MREG: variants seen among roughly 807,000 people sequenced by gnomAD.
MREG encodes the protein melanoregulin, also known as dilute suppressor protein homolog.
In MREG, 31 loss-of-function variants were observed where a neutral mutation model predicts 28.5. The ratio of observed to expected loss-of-function variants is 1.09; its 90% CI spans 0.82 to 1.47. The LOEUF (loss-of-function observed/expected upper bound fraction) is 1.47. Among genes scored for constraint, MREG ranks in the 40% most tolerant of loss-of-function variants. The pLI is 0.00. For missense variants in MREG, 256 were observed against 257.4 expected, an observed-to-expected ratio of 0.99 and a Z score of 0.04; for synonymous variants, 106 against 95.2, an observed-to-expected ratio of 1.11 and a Z score of -0.66.
At chr2:215,939,983 TTTCTAA>T (rs1414376449), downstream of MREG, among the ~76,000 whole-genome samples, 2 of 152,240 alleles carry the variant, frequency 1.3e-5, no homozygotes, top group African/African-American at 4.8e-5. Context: ...TATTTCTGTA[TTTCTAA>T]TTCTATTCTC....
At chr2:216,003,143 C>G (rs11684792) in intron 1 of MREG, among the ~76,000 whole-genome samples, 14,384 of 151,818 alleles carry the variant, frequency 0.095, 1,220 homozygotes, top group African/African-American at 0.22. Flanking sequence ...GCTGGGGTGT[C>G]GGGGGGCGAT....
At chr2:215,979,564 T>C (rs1693362756) in intron 2 of MREG, among the ~76,000 whole-genome samples, 1 of 151,700 alleles carries the variant, frequency 6.6e-6, no homozygotes, top group Non-Finnish European at 1.5e-5. Flanking sequence ...CTGAACCTTG[T>C]AGCTTTCCTT....
At chr2:216,031,555 G>A (rs1411252128) in intron 1 of MREG, among the ~76,000 whole-genome samples, 1 of 146,314 alleles carries the variant, frequency 6.8e-6, no homozygotes, top group African/African-American at 2.5e-5. Context: ...AGGAAAGAGG[G>A]AGGGAGGGAA....
intron 2 of MREG, among the ~76,000 whole-genome samples, chr2:215,972,687 G>A (rs181932800): frequency 6.8e-4 from 103 of 151,780 alleles, no homozygotes; most frequent in Admixed American, 1.7e-3. Context: ...CCTTGATTGT[G>A]GTGATGATTT....
chr2:215,949,066 C>CTAA lies in MREG; in HGVS notation c.256-1954_256-1953insTTA, dbSNP rs1312722556. 5.3e-4 allele frequency among the ~76,000 whole-genome samples: 73 copies of CTAA among 138,326 alleles called. No homozygotes were observed. The East Asian group carries it at 6.7e-3, about 13-fold the overall frequency. 90.7% of individuals were successfully genotyped at this position (138,326 alleles called of 152,430 possible). On this transcript the variant is annotated intron_variant, in intron 2 of 4. Coordinates refer to ENST00000263268, the MANE Select transcript of MREG (RefSeq NM_018000.3). ...ACTACTACTACTACTACTACTACTA[C>CTAA]TACTACTACTACTACTACTACTAAT... is the stretch of plus-strand genomic sequence containing the variant.
chr2:216,017,413 G>A (rs1358402936), upstream of MREG, among the ~76,000 whole-genome samples: 7 of 152,134 alleles, frequency 4.6e-5, no homozygotes, highest in African/African-American at 2.4e-5. Flanking sequence ...GAATAAAAAC[G>A]TGACCAAACT....
In MREG at chr2:215,996,294, A is replaced by G; in HGVS notation, c.255+12T>C. On this transcript the variant is annotated intron_variant, in intron 2 of 4. Coordinates refer to ENST00000263268, the MANE Select transcript of MREG (RefSeq NM_018000.3). The stretch of plus-strand genomic sequence containing the variant: ...ATCATCCGCGCACAGCAAGACATCA[A>G]AAGGTGCTCACCTCTGAGTCTTTGG... 1 of 1,611,052 alleles carries G rather than the reference A, an allele frequency of 6.2e-7. No individual in the cohort carries two copies.
At chr2:215,951,742 G>A (rs2105970896) in intron 2 of MREG, among the ~76,000 whole-genome samples, 1 of 152,238 alleles carries the variant, frequency 6.6e-6, no homozygotes, top group East Asian at 1.9e-4. Flanking sequence ...TAAGAAGGTT[G>A]AGGCAACAAG....
At chr2:215,994,746 T>C (rs999790183) in intron 2 of MREG, among the ~76,000 whole-genome samples, 1 of 152,100 alleles carries the variant, frequency 6.6e-6, no homozygotes, top group Non-Finnish European at 1.5e-5. Flanking sequence ...GGCTTTGTCG[T>C]CCATGTTCCT....
At chr2:216,003,143 CG>C (rs1331860871) in intron 1 of MREG, among the ~76,000 whole-genome samples, 1 of 151,732 alleles carries the variant, frequency 6.6e-6, no homozygotes, top group African/African-American at 2.4e-5. Flanking sequence ...GCTGGGGTGT[CG>C]GGGGGCGATT....
intron 4 of MREG, among the ~76,000 whole-genome samples, chr2:215,945,205 C>T (rs559698153): frequency 3.3e-5 from 5 of 152,332 alleles, no homozygotes; most frequent in East Asian, 1.9e-4. Flanking sequence ...CACTCCTTAG[C>T]GTCCTTTCTC....
Position 215,943,491 on chromosome 2 carries a change from GGA to G in MREG, c.*1370_*1371del, listed in dbSNP as rs1185346587. The G allele has an allele frequency of 2.2e-6, 1 of 456,578 alleles. No individual in the cohort carries two copies. Among genetic ancestry groups the G allele is most frequent in the Admixed American group, 2.4e-5 (1 of 42,546 alleles). 28.3% of individuals were successfully genotyped at this position (456,578 alleles called of 1,614,324 possible). Reference sequence around the variant, plus strand: ...CAACGAATCAGAAACAGATGAAAGAGGAGAGAAGAAAACAGAGGTCAAACACT... The same window carrying G: ...CAACGAATCAGAAACAGATGAAAGAGGAGAAGAAAACAGAGGTCAAACACT... On this transcript the variant is annotated 3_prime_UTR_variant, in exon 5 of 5. Coordinates refer to ENST00000263268, the MANE Select transcript of MREG (RefSeq NM_018000.3).
intron 1 of MREG, among the ~76,000 whole-genome samples, chr2:216,010,374 T>TTTTTC (rs71047957): frequency 6.8e-6 from 1 of 147,728 alleles, no homozygotes; most frequent in African/African-American, 2.5e-5. Context: ...TTTTTTTTTT[T>TTTTTC]TGAGACGGAG....
At chr2:215,993,380 GA>G (rs1693772323) in intron 2 of MREG, among the ~76,000 whole-genome samples, 1 of 152,168 alleles carries the variant, frequency 6.6e-6, no homozygotes. Flanking sequence ...GCAGAAAACT[GA>G]AACTGGACCC....
intron 1 of MREG, among the ~76,000 whole-genome samples, chr2:216,004,694 TCA>T (rs1277348984): frequency 2.6e-5 from 4 of 152,164 alleles, no homozygotes; most frequent in Non-Finnish European, 4.4e-5. Flanking sequence ...GTCTTCAAGC[TCA>T]CAGACAAGCT....
intron 2 of MREG, among the ~76,000 whole-genome samples, chr2:215,969,700 T>C (rs1693036823): frequency 6.6e-6 from 1 of 152,070 alleles, no homozygotes; most frequent in Admixed American, 6.5e-5. Context: ...TATATAAGCA[T>C]CCTTGAAAAG....
chr2:215,945,825 C>G, intron 3 of MREG, 91 bp from the exon 4 acceptor site: 3 of 1,103,138 alleles, frequency 2.7e-6, no homozygotes, highest in Non-Finnish European at 3.9e-6. Flanking sequence ...ACGAACAGAC[C>G]CATGTGGATT....
Position 215,943,266 on chromosome 2 carries a change from A to G in MREG, c.*1597T>C, listed in dbSNP as rs1195404862. The G allele has an allele frequency of 8.4e-6, 3 of 357,150 alleles. No individual in the cohort carries two copies. In the Admixed American group the frequency reaches 9.4e-5, roughly 11 times the overall value. 22.1% of individuals were successfully genotyped at this position (357,150 alleles called of 1,614,324 possible). A position where few individuals can be genotyped will look rare whatever the true frequency, so the allele number is the denominator to read the frequency against. On this transcript the variant is annotated 3_prime_UTR_variant, in exon 5 of 5. Coordinates refer to ENST00000263268, the MANE Select transcript of MREG (RefSeq NM_018000.3). ...TAACATGAACCATGATCTCTTGACAAGTTCCTTGCTTAAGTGGCAAGTAAC... is the reference window on the plus strand; with the variant it reads ...TAACATGAACCATGATCTCTTGACAGGTTCCTTGCTTAAGTGGCAAGTAAC...
At chr2:216,020,060 T>C (rs771499982) in intron 1 of MREG, among the ~76,000 whole-genome samples, 1 of 151,788 alleles carries the variant, frequency 6.6e-6, no homozygotes, top group South Asian at 2.1e-4. Flanking sequence ...GGAAGAGGAG[T>C]AGAGCACGGT....
Sources: allele counts gnomAD v4.1 joint callset (sites outside exome capture counted in the v4.1 genomes callset), GRCh38; gene constraint gnomAD v4.1.1; transcripts MANE v1.5; gene names NCBI Gene and HGNC (gene_info 2026-07-23, HGNC 2026-07-21).